SYT16: variants seen among roughly 807,000 people sequenced by gnomAD.
SYT16 encodes synaptotagmin 16.
SYT16 carries 42 observed loss-of-function variants against 61.4 expected under a neutral mutation model. That is an observed-to-expected ratio of 0.68 (90% CI 0.53 to 0.89). The LOEUF (loss-of-function observed/expected upper bound fraction) is 0.89, where lower values mean the gene tolerates loss of function less well. Among genes scored for constraint, SYT16 ranks in the 40% least tolerant of loss-of-function variants. The probability of loss-of-function intolerance (pLI) is 0.00; values close to 1 mark genes in which losing one functional copy is unlikely to be tolerated. For missense variants in SYT16, 804 were observed against 807.3 expected (o/e 1.00, Z 0.05); for synonymous variants, 314 against 302.3 (o/e 1.04, Z -0.40).
intron 3 of SYT16, among the ~76,000 whole-genome samples, chr14:62,033,707 A>C (rs1033095294): frequency 1.7e-4 from 21 of 123,830 alleles, no homozygotes; most frequent in Admixed American, 4.3e-4. Context: ...ACACACAATA[A>C]ACTCAGACCC....
At chr14:61,834,889 G>A (rs751415549) in intron 1 of SYT16, among the ~76,000 whole-genome samples, 5 of 152,304 alleles carry the variant, frequency 3.3e-5, no homozygotes, top group Admixed American at 6.5e-5. Context: ...AAAGATGTGT[G>A]TTGATATATG....
intron 5 of SYT16, among the ~76,000 whole-genome samples, chr14:62,079,149 C>T (rs1209482247): frequency 6.6e-6 from 1 of 152,122 alleles, no homozygotes; most frequent in Non-Finnish European, 1.5e-5. Context: ...TTTGAGTTGG[C>T]CTAAATCCTT....
At chr14:62,049,342 C>T (rs2055160202) in intron 3 of SYT16, among the ~76,000 whole-genome samples, 2 of 152,138 alleles carry the variant, frequency 1.3e-5, no homozygotes, top group Admixed American at 1.3e-4. Context: ...GATCTTCCTC[C>T]ATCCCTTTAT....
Position 62,084,293 on chromosome 14 carries a change from T to C in SYT16, c.1532T>C (p.Val511Ala), listed in dbSNP as rs750048376. 1.2e-6 allele frequency: 2 copies of C among 1,613,740 alleles called. No individual in the cohort carries two copies. The highest frequency in any genetic ancestry group is 1.7e-6 in the Non-Finnish European group (2 of 1,179,846). ...CATGGAGGGGCGCCAGAGCTGTTGG[T>C]GGGGCTCTCGTACAATGCCACAACG... ...LSHGGAPELL[V>A]GLSYNATTGR... Residue 511 changes from valine to alanine, a missense_variant, in exon 7 of 8, where the codon GTG becomes GCG. By Grantham distance (64) the Val-to-Ala change is moderately conservative. Transcript: ENST00000683842.
intron 7 of SYT16, among the ~76,000 whole-genome samples, chr14:62,095,060 G>A (rs1241808542): frequency 6.6e-6 from 1 of 152,020 alleles, no homozygotes; most frequent in African/African-American, 2.4e-5. Context: ...CTAGGGGAAT[G>A]TCATTTTAAG....
intron 1 of SYT16, among the ~76,000 whole-genome samples, chr14:61,854,192 T>C (rs2046705938): frequency 6.6e-6 from 1 of 152,170 alleles, no homozygotes; most frequent in South Asian, 2.1e-4. Context: ...TGAAAGAAGG[T>C]ATTAGTATTC....
intron 1 of SYT16, among the ~76,000 whole-genome samples, chr14:61,824,212 C>G (rs1594694974): frequency 6.6e-6 from 1 of 152,108 alleles, no homozygotes; most frequent in Non-Finnish European, 1.5e-5. Context: ...ATTCATATCT[C>G]CTATATACTT....
At position 62,062,731 on chromosome 14, in the gene SYT16, C is replaced by T. The variant is rs116701047; in HGVS notation, c.524-6872C>T. Among the ~76,000 whole-genome samples the T allele has an allele frequency of 3.0e-3, 454 of 151,984 alleles. 2 individuals carry two copies. Among genetic ancestry groups the T allele is most frequent in the African/African-American group, 9.3e-3 (385 of 41,434 alleles). On this transcript the variant is annotated intron_variant, in intron 3 of 7. Transcript: ENST00000683842. ...ATCCTTATCCAACCAACACAGGCAG[C>T]CATTTGCTGTGGATATTGGAGAAAT... is the stretch of plus-strand genomic sequence containing the variant.
chr14:61,975,713 A>G (rs2051760807), intron 2 of SYT16, among the ~76,000 whole-genome samples: 1 of 152,144 alleles, frequency 6.6e-6, no homozygotes, highest in African/African-American at 2.4e-5. Context: ...TTTGGTTCTT[A>G]GGGTTACCAT....
chr14:62,076,717 C>T lies in SYT16; in HGVS notation c.993+1326C>T, dbSNP rs118027588. Among the ~76,000 whole-genome samples, 764 of 152,210 alleles carry T rather than the reference C, an allele frequency of 5.0e-3. 5 individuals carry two copies. The highest frequency in any genetic ancestry group is 0.037 in the East Asian group (192 of 5,186). ...CTTACCCGTTAGTTTACTACCAAGC[C>T]GTATCAAATCCCACACACTAACTCT... is the stretch of plus-strand genomic sequence containing the variant. On this transcript the variant is annotated intron_variant, in intron 5 of 7. Coordinates refer to ENST00000683842, the MANE Select transcript of SYT16 (RefSeq NM_001367656.1).
intron 1 of SYT16, among the ~76,000 whole-genome samples, chr14:61,922,930 T>A (rs2049389586): frequency 6.6e-6 from 1 of 151,522 alleles, no homozygotes; most frequent in East Asian, 1.9e-4. Context: ...GTGCCTGTAA[T>A]CCCAGCTGCT....
rs546359515 is a variant in SYT16 at position 62,104,820 on chromosome 14, A to T, written c.*4113A>T. 1 of 152,280 alleles carries T rather than the reference A, an allele frequency of 6.6e-6. No homozygotes were observed. The highest frequency in any genetic ancestry group is 2.1e-4 in the South Asian group (1 of 4,820). The allele number at this position is 152,280 out of a possible 1,614,324, so 9.4% of individuals were successfully genotyped here. On this transcript the variant is annotated 3_prime_UTR_variant, in exon 8 of 8. Transcript: ENST00000683842. Reference sequence around the variant, plus strand: ...TTTCTTCAACTGGAAAATGGAAATAATACCTACCTCATTAGGTGTCTTAAA... The same window carrying T: ...TTTCTTCAACTGGAAAATGGAAATATTACCTACCTCATTAGGTGTCTTAAA...
In SYT16 at chr14:62,108,082, T is replaced by A. The variant is rs915324034; in HGVS notation, c.*7375T>A. 17 of 152,182 alleles carry A rather than the reference T, an allele frequency of 1.1e-4. No individual in the cohort carries two copies. The highest frequency in any genetic ancestry group is 3.6e-4 in the African/African-American group (15 of 41,458). The allele number at this position is 152,182 out of a possible 1,614,324, so 9.4% of individuals were successfully genotyped here. Reference sequence around the variant, plus strand: ...CTTACCTTTCTGTGACTAAAACTAGTCTTAAAAACTGAATACATTTGGGGC... The same window carrying A: ...CTTACCTTTCTGTGACTAAAACTAGACTTAAAAACTGAATACATTTGGGGC... On this transcript the variant is annotated 3_prime_UTR_variant, in exon 8 of 8. Transcript: ENST00000683842.
intron 7 of SYT16, among the ~76,000 whole-genome samples, chr14:62,091,643 A>T (rs2057077870): frequency 6.6e-6 from 1 of 152,196 alleles, no homozygotes; most frequent in Non-Finnish European, 1.5e-5. Context: ...GAAAAAGTGG[A>T]TCTCAACCTG....
intron 1 of SYT16, among the ~76,000 whole-genome samples, chr14:61,960,690 T>C (rs909718023): frequency 5.9e-5 from 9 of 152,182 alleles, no homozygotes; most frequent in Admixed American, 1.3e-4. Flanking sequence ...AATGCTCTTT[T>C]TTTCTTTCTC....
intron 3 of SYT16, among the ~76,000 whole-genome samples, chr14:62,006,448 G>T (rs767635206): frequency 2.6e-5 from 4 of 152,054 alleles, no homozygotes; most frequent in Non-Finnish European, 4.4e-5. Context: ...GTTGTATCTT[G>T]ATTTTATGTT....
At chr14:61,992,495 C>T (rs534129177) in intron 2 of SYT16, among the ~76,000 whole-genome samples, 8 of 152,210 alleles carry the variant, frequency 5.3e-5, no homozygotes, top group Admixed American at 2.6e-4. Context: ...AAATAGCCAC[C>T]GATCTGAAGC....
intron 1 of SYT16, among the ~76,000 whole-genome samples, chr14:61,894,614 C>G (rs2048262071): frequency 6.6e-6 from 1 of 152,066 alleles, no homozygotes; most frequent in Non-Finnish European, 1.5e-5. Context: ...TGGCTGGGCA[C>G]CCTCATTTCA....
rs550096261 is a variant in SYT16, at chr14:62,062,453, C to T, written c.524-7150C>T. 3.3e-4 allele frequency among the ~76,000 whole-genome samples: 50 copies of T among 152,320 alleles called. 1 individual carries two copies. The South Asian group carries it at 0.01, about 32-fold the overall frequency. On this transcript the variant is annotated intron_variant, in intron 3 of 7. Transcript: ENST00000683842. ...GATTGAAAAGGGTGCAGAGCCCAGC[C>T]TGTGCATTGCATCCCTTACACACCT...
Sources: gnomAD v4.1 joint callset for allele counts (sites outside exome capture counted in the v4.1 genomes callset) on GRCh38, gnomAD v4.1.1 for gene constraint, MANE v1.5 for transcripts, NCBI Gene and HGNC (gene_info 2026-07-23, HGNC 2026-07-21) for gene names.